EARS2: variants seen among roughly 807,000 people sequenced by gnomAD.
EARS2 encodes the protein glutamyl-tRNA synthetase 2, mitochondrial, also known as nondiscriminating glutamyl-tRNA synthetase EARS2, mitochondrial.
A neutral mutation model predicts 54.1 loss-of-function variants in EARS2; 50 were observed. The observed-to-expected ratio is 0.92, with a 90% CI of 0.74 to 1.17. The LOEUF is 1.17. EARS2 is among the 50% of genes most tolerant of loss of function. The pLI, the probability that EARS2 is intolerant of heterozygous loss-of-function variation, is 0.00. For synonymous variants in EARS2, 298 were observed against 281.0 expected (o/e 1.06, Z -0.61); for missense variants, 673 against 675.0 (o/e 1.00, Z 0.03).
intron 3 of EARS2, among the ~76,000 whole-genome samples, chr16:23,542,115 C>T (rs896842873): frequency 6.6e-6 from 1 of 150,928 alleles, no homozygotes; most frequent in Non-Finnish European, 1.5e-5. Flanking sequence ...ACCTCGGCTT[C>T]CCAACGTACG....
At chr16:23,539,583 T>C (rs190266083) in intron 3 of EARS2, among the ~76,000 whole-genome samples, 3 of 152,272 alleles carry the variant, frequency 2.0e-5, no homozygotes, top group South Asian at 2.1e-4. Flanking sequence ...ACGTTCACCA[T>C]GAGATGATGT....
chr16:23,526,420 G>A (rs559381428), intron 7 of EARS2, among the ~76,000 whole-genome samples: 2 of 152,204 alleles, frequency 1.3e-5, no homozygotes, highest in Non-Finnish European at 1.5e-5. Flanking sequence ...CACCATGCCC[G>A]GCCAAGTATT....
At position 23,535,069 on chromosome 16, in the gene EARS2, G is replaced by A. The variant is rs748018726; in HGVS notation, c.777C>T (p.Leu259=). ...GCTGCCAGCCCAGGGCCTGGTAGAGGAGCAGGTGCTTGGCAGTGGAGACGA... is the reference window on the plus strand; with the variant it reads ...GCTGCCAGCCCAGGGCCTGGTAGAGAAGCAGGTGCTTGGCAGTGGAGACGA... ...EWLVSTAKHL[L]LYQALGWQPP... is the part of the protein sequence containing the mutation. The change falls in exon 4 of 9, where the codon CTC becomes CTT. Residue 259 remains leucine (L), a synonymous_variant. Transcript: ENST00000449606. The A allele has an allele frequency of 1.9e-6, 3 of 1,605,710 alleles. No individual in the cohort carries two copies. Among genetic ancestry groups the A allele is most frequent in the Non-Finnish European group, 1.7e-6 (2 of 1,176,872 alleles).
rs1386095115 is a variant in EARS2, at chr16:23,521,500, G to A, written c.*2871C>T. On this transcript the variant is annotated 3_prime_UTR_variant, in exon 9 of 9. Transcript: ENST00000449606. ...CTGCAGCCTTAACGCCTCAGCTCAA[G>A]TGATCCTCCTACCTTAGTCTCCCAA... 6.6e-6 allele frequency among the ~76,000 whole-genome samples: 1 copy of A among 151,796 alleles called. No homozygotes were observed. The highest frequency in any genetic ancestry group is 1.9e-4 in the East Asian group (1 of 5,156).
At chr16:23,541,973 C>T (rs1331133113) in intron 3 of EARS2, among the ~76,000 whole-genome samples, 1 of 152,092 alleles carries the variant, frequency 6.6e-6, no homozygotes, top group African/African-American at 2.4e-5. Context: ...ATTCTCCCGC[C>T]TCAGCCTCCC....
At chr16:23,534,852 C>G in intron 4 of EARS2, 36 bp downstream of exon 4, 1 of 1,508,408 alleles carries the variant, frequency 6.6e-7, no homozygotes, top group South Asian at 1.3e-5. Context: ...CCTGGCCATG[C>G]TCTCTGCTGC....
intron 2 of EARS2, among the ~76,000 whole-genome samples, chr16:23,547,259 A>G (rs1965618558): frequency 6.6e-6 from 1 of 152,186 alleles, no homozygotes; most frequent in Non-Finnish European, 1.5e-5. Flanking sequence ...AAGGCCATAT[A>G]TTATATGATC....
At chr16:23,525,825 A>T (rs559644917) in intron 7 of EARS2, among the ~76,000 whole-genome samples, 23 of 151,898 alleles carry the variant, frequency 1.5e-4, no homozygotes, top group African/African-American at 5.3e-4. Context: ...GTAAAACCCC[A>T]TCTCTACTAA....
chr16:23,531,496 T>C (rs1300989193), intron 5 of EARS2, among the ~76,000 whole-genome samples: 2 of 151,752 alleles, frequency 1.3e-5, no homozygotes, highest in Non-Finnish European at 2.9e-5. Context: ...CTCCTGACCT[T>C]GTGATCTGCC....
intron 2 of EARS2, among the ~76,000 whole-genome samples, chr16:23,545,973 C>T (rs1023946877): frequency 2.0e-5 from 3 of 152,180 alleles, no homozygotes; most frequent in African/African-American, 7.2e-5. Flanking sequence ...TAGGAATGTG[C>T]CACCATGCCC....
intron 7 of EARS2, among the ~76,000 whole-genome samples, chr16:23,528,309 TA>T (rs549889561): frequency 1.5e-3 from 224 of 152,086 alleles, no homozygotes; most frequent in Middle Eastern, 6.8e-3. Context: ...ACAAAAAATA[TA>T]ATGTGGGAAA....
intron 2 of EARS2, among the ~76,000 whole-genome samples, chr16:23,546,158 A>G (rs1965600027): frequency 6.6e-6 from 1 of 152,210 alleles, no homozygotes; most frequent in Non-Finnish European, 1.5e-5. Context: ...AATATGATCT[A>G]CTGTAAGCCA....
chr16:23,548,233 CAATAAATA>C (rs10687580), intron 2 of EARS2, among the ~76,000 whole-genome samples: 2,464 of 135,392 alleles, frequency 0.018, 76 homozygotes, highest in African/African-American at 0.059. Context: ...GACTCCATCT[CAATAAATA>C]AATAAATAAA....
chr16:23,540,168 C>T (rs988041776), intron 3 of EARS2, among the ~76,000 whole-genome samples: 9 of 151,846 alleles, frequency 5.9e-5, no homozygotes, highest in African/African-American at 1.9e-4. Context: ...CAAAACAAAA[C>T]ATAACACTCT....
intron 5 of EARS2, among the ~76,000 whole-genome samples, chr16:23,531,270 T>C (rs1965323005): frequency 6.6e-6 from 1 of 150,442 alleles, no homozygotes; most frequent in Non-Finnish European, 1.5e-5. Flanking sequence ...GTTTCTTTCT[T>C]TTTTTTTTGA....
At position 23,552,132 on chromosome 16, in the gene EARS2, T is replaced by C. The variant is rs1166100399; in HGVS notation, c.295+17A>G. ...TGTTCCTTCCCTGCAGAAAGATCCT[T>C]TCTCTGCCAGGCTTACCTGCCCACT... is the stretch of plus-strand genomic sequence containing the variant. On this transcript the variant is annotated intron_variant, in intron 2 of 8. Transcript: ENST00000449606. 6.2e-7 allele frequency: 1 copy of C among 1,609,528 alleles called. No homozygotes were observed. Among genetic ancestry groups the C allele is most frequent in the Non-Finnish European group, 8.5e-7 (1 of 1,176,682 alleles).
intron 4 of EARS2, among the ~76,000 whole-genome samples, chr16:23,533,917 G>A (rs576722641): frequency 5.3e-5 from 8 of 152,124 alleles, no homozygotes; most frequent in South Asian, 4.1e-4. Context: ...TTAGCCAAGC[G>A]TGGTGGCGGG....
chr16:23,557,066 G>A (rs1965805638), intron 1 of EARS2, 139 bp downstream of exon 1: 8 of 1,324,508 alleles, frequency 6.0e-6, no homozygotes, highest in Middle Eastern at 1.8e-4. Flanking sequence ...TTCCGCCTCT[G>A]TAAAATGGGC....
intron 1 of EARS2, among the ~76,000 whole-genome samples, chr16:23,554,870 C>T (rs192955905): frequency 2.1e-3 from 324 of 152,260 alleles, no homozygotes; most frequent in Non-Finnish European, 2.9e-3. Flanking sequence ...AAATAAGAAC[C>T]TTCTTTATTA....
Sources: gnomAD v4.1 joint callset for allele counts (sites outside exome capture counted in the v4.1 genomes callset) on GRCh38, gnomAD v4.1.1 for gene constraint, MANE v1.5 for transcripts, NCBI Gene and HGNC (gene_info 2026-07-23, HGNC 2026-07-21) for gene names.